The following FAM149B1 variants were observed in gnomAD, a reference collection of about 807,000 sequenced individuals.
The protein encoded by FAM149B1 is family with sequence similarity 149 member B1.
A neutral mutation model predicts 75.3 loss-of-function variants in FAM149B1; 56 were observed. That is an observed-to-expected ratio of 0.74 (90% CI 0.60 to 0.93). The LOEUF (loss-of-function observed/expected upper bound fraction) is 0.93. Ranked by LOEUF, FAM149B1 falls within the 40% of genes least tolerant of loss-of-function variation. The pLI is 0.00. For missense variants in FAM149B1, 639 were observed against 708.4 expected (o/e 0.90, Z 1.11); for synonymous variants, 259 against 256.1 (o/e 1.01, Z -0.11).
At chr10:73,229,649 T>C (rs377644711) in intron 8 of FAM149B1, among the ~76,000 whole-genome samples, 2 of 152,154 alleles carry the variant, frequency 1.3e-5, no homozygotes, top group East Asian at 3.8e-4. Flanking sequence ...TAATGTTCCT[T>C]TTGTGGTAGT....
At position 73,204,891 on chromosome 10, in the gene FAM149B1, C is replaced by CCTCA. The variant is rs2043017467; in HGVS notation, c.543-3727_543-3724dup. 2.2e-5 allele frequency among the ~76,000 whole-genome samples: 3 copies of CCTCA among 139,524 alleles called. No individual in the cohort carries two copies. In the South Asian group the frequency reaches 6.7e-4, roughly 31 times the overall value. 91.5% of individuals were successfully genotyped at this position (139,524 alleles called of 152,430 possible). A position where few individuals can be genotyped will look rare whatever the true frequency, so the allele number is the denominator to read the frequency against. ...CTCCTGGGTTCACGCCATTTTCCTG[C>CCTCA]CTCAGCCTCCCAAAGTGCTGGGACT... is the stretch of plus-strand genomic sequence containing the variant. On this transcript the variant is annotated intron_variant, in intron 5 of 13. Transcript: ENST00000242505.
intron 4 of FAM149B1, 51 bp from the exon 5 acceptor site, chr10:73,193,426 A>C: frequency 6.6e-7 from 1 of 1,522,116 alleles, no homozygotes; most frequent in East Asian, 2.5e-5. Context: ...TAGATTTTGT[A>C]TGTATGCCAG....
At chr10:73,219,172 G>A (rs1347776822) in intron 7 of FAM149B1, among the ~76,000 whole-genome samples, 2 of 152,080 alleles carry the variant, frequency 1.3e-5, no homozygotes. Context: ...ATAGTATCAA[G>A]AAGAATAAAA....
Position 73,243,703 on chromosome 10 carries a change from C to A in FAM149B1, c.*2684C>A. The A allele has an allele frequency of 9.1e-7, 1 of 1,096,554 alleles. No homozygotes were observed. Among genetic ancestry groups the A allele is most frequent in the Non-Finnish European group, 1.3e-6 (1 of 764,274 alleles). 67.9% of individuals were successfully genotyped at this position (1,096,554 alleles called of 1,614,324 possible). A position where few individuals can be genotyped will look rare whatever the true frequency, so the allele number is the denominator to read the frequency against. ...ACTTTGTAAATACACTTAAAACCAC[C>A]AAATTGTACACTTTAAAAGGACAAA... On this transcript the variant is annotated 3_prime_UTR_variant, in exon 14 of 14. Coordinates refer to ENST00000242505, the MANE Select transcript of FAM149B1 (RefSeq NM_173348.2).
chr10:73,234,688 C>G, intron 10 of FAM149B1, 129 bp from the exon 11 acceptor site: 1 of 979,166 alleles, frequency 1.0e-6, no homozygotes, highest in Non-Finnish European at 1.5e-6. Flanking sequence ...TACTTGAAAA[C>G]ATAGGTAGCC....
chr10:73,190,846 G>A (rs1345040102), intron 3 of FAM149B1, among the ~76,000 whole-genome samples: 1 of 151,814 alleles, frequency 6.6e-6, no homozygotes, highest in African/African-American at 2.4e-5. Context: ...AGCCTCCTGA[G>A]TAGCTGGGAC....
At chr10:73,170,436 G>A (rs577677485) in intron 1 of FAM149B1, among the ~76,000 whole-genome samples, 5 of 150,254 alleles carry the variant, frequency 3.3e-5, no homozygotes, top group South Asian at 2.1e-4. Flanking sequence ...CCTGGGAGGC[G>A]GAGGTTGCCG....
intron 7 of FAM149B1, among the ~76,000 whole-genome samples, chr10:73,218,977 A>T (rs2043351937): frequency 6.6e-6 from 1 of 152,128 alleles, no homozygotes; most frequent in Admixed American, 6.6e-5. Flanking sequence ...AGACCATTTC[A>T]CTAAGCTTTT....
Position 73,239,339 on chromosome 10 carries a change from G to A in FAM149B1, c.1630G>A (p.Ala544Thr), listed in dbSNP as rs762503952. ...LLDTQYRRSC[A>T]VEYPHQARPG... ...GGATACACAGTATCGTCGCTCATGT[G>A]CAGTTGAGTATCCTCATCAGGCCCG... Residue 544 changes from alanine to threonine, a missense_variant, in exon 13 of 14, where the codon GCA becomes ACA. By Grantham distance (58) the Ala-to-Thr change is moderately conservative. Transcript: ENST00000242505. 4.5e-6 allele frequency: 7 copies of A among 1,551,694 alleles called. No individual in the cohort carries two copies. The South Asian group carries it at 4.8e-5, about 11-fold the overall frequency.
chr10:73,236,071 G>A (rs2043813969), intron 12 of FAM149B1, among the ~76,000 whole-genome samples: 1 of 152,164 alleles, frequency 6.6e-6, no homozygotes, highest in Non-Finnish European at 1.5e-5. Context: ...GGATGGTAGT[G>A]TTTGCAGCAC....
intron 6 of FAM149B1, among the ~76,000 whole-genome samples, chr10:73,210,006 C>G (rs536225979): frequency 6.6e-6 from 1 of 152,268 alleles, no homozygotes; most frequent in African/African-American, 2.4e-5. Context: ...ATACATAATA[C>G]CACTGAGCTA....
intron 1 of FAM149B1, among the ~76,000 whole-genome samples, chr10:73,171,867 A>G (rs1054729432): frequency 2.0e-5 from 3 of 151,860 alleles, no homozygotes; most frequent in Non-Finnish European, 2.9e-5. Context: ...TGACCTCGTG[A>G]TCTGCCTGCC....
intron 7 of FAM149B1, among the ~76,000 whole-genome samples, chr10:73,213,503 G>A (rs544749041): frequency 6.6e-6 from 1 of 152,162 alleles, no homozygotes; most frequent in African/African-American, 2.4e-5. Context: ...ACGGTGAGAG[G>A]TATGGGTTCT....
chr10:73,185,059 C>T (rs1348000121), intron 3 of FAM149B1, among the ~76,000 whole-genome samples: 2 of 151,856 alleles, frequency 1.3e-5, no homozygotes, highest in Non-Finnish European at 2.9e-5. Flanking sequence ...ATAACTCAAC[C>T]CTACAGAAAG....
intron 5 of FAM149B1, among the ~76,000 whole-genome samples, chr10:73,205,236 T>C (rs2043029342): frequency 6.6e-6 from 1 of 152,026 alleles, no homozygotes; most frequent in African/African-American, 2.4e-5. Context: ...GGGAGGTGTC[T>C]GAGTCATGGG....
chr10:73,240,862 G>C, intron 13 of FAM149B1, 84 bp from the exon 14 acceptor site: 1 of 792,910 alleles, frequency 1.3e-6, no homozygotes, highest in African/African-American at 1.8e-5. Flanking sequence ...TTCATAATTG[G>C]AGCAAAAAAG....
At chr10:73,188,766 G>GAAGGAAGT in intron 3 of FAM149B1, among the ~76,000 whole-genome samples, 3 of 113,100 alleles carry the variant, frequency 2.7e-5, no homozygotes, top group Admixed American at 2.4e-4. Context: ...GGGAAGGAAG[G>GAAGGAAGT]AAGGAAGGAA....
At chr10:73,190,241 ATT>A (rs56855443) in intron 3 of FAM149B1, among the ~76,000 whole-genome samples, 32 of 144,016 alleles carry the variant, frequency 2.2e-4, no homozygotes, top group Admixed American at 3.5e-4. Flanking sequence ...GTAGTCACTG[ATT>A]TTTTTTTTTT....
intron 3 of FAM149B1, among the ~76,000 whole-genome samples, chr10:73,182,862 C>T (rs2042432118): frequency 6.6e-6 from 1 of 152,176 alleles, no homozygotes; most frequent in African/African-American, 2.4e-5. Context: ...TTGTTTTAAG[C>T]TATTAAGTTT....
Sources: gnomAD v4.1 joint callset for allele counts (sites outside exome capture counted in the v4.1 genomes callset) on GRCh38, gnomAD v4.1.1 for gene constraint, MANE v1.5 for transcripts, NCBI Gene and HGNC (gene_info 2026-07-23, HGNC 2026-07-21) for gene names.